The following ARAP2 variants were observed in gnomAD, a reference collection of about 807,000 sequenced individuals.
ARAP2 encodes arf-GAP with Rho-GAP domain, ANK repeat and PH domain-containing protein 2.
ARAP2 carries 148 observed loss-of-function variants against 194.5 expected under a neutral mutation model. The ratio of observed to expected loss-of-function variants is 0.76; its 90% CI spans 0.67 to 0.87. The LOEUF (loss-of-function observed/expected upper bound fraction) is 0.87, where lower values mean the gene tolerates loss of function less well. Among genes scored for constraint, ARAP2 ranks in the 40% least tolerant of loss-of-function variants. The pLI, the probability that ARAP2 is intolerant of heterozygous loss-of-function variation, is 0.00. For missense variants in ARAP2, 2,128 were observed against 1,989.7 expected (o/e 1.07, Z -1.32); for synonymous variants, 695 against 683.5 (o/e 1.02, Z -0.26).
At chr4:36,144,957 G>A (rs957593723) in intron 19 of ARAP2, among the ~76,000 whole-genome samples, 1 of 151,768 alleles carries the variant, frequency 6.6e-6, no homozygotes, top group Non-Finnish European at 1.5e-5. Context: ...GATTTTAATA[G>A]CATTTTCTTT....
rs1733132901 is a variant in ARAP2, at chr4:36,158,585, C to T, written c.2752+145G>A. ...TGCAGTACATGAAATAATATTTGCA[C>T]CTAGAAGCATTTATAAATCCTCAAA... is the stretch of plus-strand genomic sequence containing the variant. On this transcript the variant is annotated intron_variant, in intron 15 of 32. Transcript: ENST00000303965. 2.2e-5 allele frequency: 15 copies of T among 696,998 alleles called. No individual in the cohort carries two copies. In the South Asian group the frequency reaches 3.1e-4, roughly 15 times the overall value. 43.2% of individuals were successfully genotyped at this position (696,998 alleles called of 1,614,324 possible).
intron 5 of ARAP2, among the ~76,000 whole-genome samples, chr4:36,028,502 T>A (rs983311553): frequency 1.3e-5 from 2 of 152,012 alleles, no homozygotes; most frequent in Admixed American, 1.3e-4. Flanking sequence ...TAACCTTTCT[T>A]GATTTTTCTA....
intron 2 of ARAP2, among the ~76,000 whole-genome samples, chr4:36,219,234 G>A (rs765563068): frequency 2.0e-5 from 3 of 152,122 alleles, no homozygotes; most frequent in South Asian, 2.1e-4. Flanking sequence ...TGTACTCAAC[G>A]GCCATGCATA....
At position 36,214,017 on chromosome 4, in the gene ARAP2, G is replaced by T. The variant is rs186499196; in HGVS notation, c.964+405C>A. ...TATAATCAGAATTTTCAAAATGAAAGAAAAGCCTCTGTCACTGTTCAATTT... is the reference window on the plus strand; with the variant it reads ...TATAATCAGAATTTTCAAAATGAAATAAAAGCCTCTGTCACTGTTCAATTT... On this transcript the variant is annotated intron_variant, in intron 3 of 32. Coordinates refer to ENST00000303965, the MANE Select transcript of ARAP2 (RefSeq NM_015230.4). Among the ~76,000 whole-genome samples the T allele has an allele frequency of 3.0e-4, 46 of 152,202 alleles. No homozygotes were observed. The East Asian group carries it at 8.1e-3, about 27-fold the overall frequency.
intron 6 of ARAP2, among the ~76,000 whole-genome samples, chr4:36,209,801 C>T (rs577676306): frequency 6.6e-6 from 1 of 152,230 alleles, no homozygotes; most frequent in Non-Finnish European, 1.5e-5. Flanking sequence ...TTTCTCAGTA[C>T]TGTAAAATGC....
intron 6 of ARAP2, among the ~76,000 whole-genome samples, chr4:36,200,970 G>A (rs76473782): frequency 0.013 from 2,034 of 152,216 alleles, 44 homozygotes; most frequent in African/African-American, 0.046. Context: ...CCTATGTTCC[G>A]GCTACCATAC....
At chr4:36,240,506 T>C (rs895916438) in intron 1 of ARAP2, among the ~76,000 whole-genome samples, 1 of 152,224 alleles carries the variant, frequency 6.6e-6, no homozygotes, top group African/African-American at 2.4e-5. Context: ...AGCTCTGCCA[T>C]GTGCTACCTG....
rs536990611 is a variant in ARAP2, at chr4:36,142,467, G to A, written c.3263+4829C>T. On this transcript the variant is annotated intron_variant, in intron 19 of 32. Transcript: ENST00000303965. ...CTTTGACAAAGTGACCTCACTAGCTGTCTTGGTTTACTCAATTTCCATTCT... is the reference window on the plus strand; with the variant it reads ...CTTTGACAAAGTGACCTCACTAGCTATCTTGGTTTACTCAATTTCCATTCT... Among the ~76,000 whole-genome samples the A allele has an allele frequency of 2.0e-5, 3 of 151,372 alleles. No individual in the cohort carries two copies. In the Admixed American group the frequency reaches 2.0e-4, roughly 10 times the overall value.
At chr4:36,106,757 A>G (rs1718518178) in intron 27 of ARAP2, among the ~76,000 whole-genome samples, 1 of 151,878 alleles carries the variant, frequency 6.6e-6, no homozygotes, top group Non-Finnish European at 1.5e-5. Flanking sequence ...AAGGTAATAT[A>G]ACTTACAAGG....
intron 27 of ARAP2, among the ~76,000 whole-genome samples, chr4:36,102,484 C>A (rs559847730): frequency 1.3e-5 from 2 of 152,014 alleles, no homozygotes; most frequent in African/African-American, 4.8e-5. Flanking sequence ...AAAGTTTATT[C>A]AATATGTACT....
chr4:36,212,222 C>T (rs1746913194), intron 5 of ARAP2, among the ~76,000 whole-genome samples, 174 bp downstream of exon 5: 1 of 151,878 alleles, frequency 6.6e-6, no homozygotes, highest in African/African-American at 2.4e-5. Flanking sequence ...ATCTACAGAG[C>T]ATAATTCAAT....
chr4:36,069,538 C>T (rs912363048), intron 32 of ARAP2, among the ~76,000 whole-genome samples: 4 of 151,678 alleles, frequency 2.6e-5, no homozygotes, highest in African/African-American at 9.7e-5. Flanking sequence ...TATAAACAAA[C>T]TTTAATCTTG....
chr4:36,221,774 A>G (rs1335727034), intron 2 of ARAP2, among the ~76,000 whole-genome samples: 1 of 152,158 alleles, frequency 6.6e-6, no homozygotes, highest in African/African-American at 2.4e-5. Flanking sequence ...AGCAACTTAC[A>G]TTTTCATTTA....
intron 2 of ARAP2, among the ~76,000 whole-genome samples, chr4:36,055,497 A>T (rs1382791402): frequency 6.6e-6 from 1 of 152,212 alleles, no homozygotes; most frequent in Middle Eastern, 3.2e-3. Context: ...TCAACTCAGC[A>T]GTCTCATAGT....
Position 36,209,653 on chromosome 4 carries a change from C to T in ARAP2, c.1487+737G>A, listed in dbSNP as rs184702211. On this transcript the variant is annotated intron_variant, in intron 6 of 32. Coordinates refer to ENST00000303965, the MANE Select transcript of ARAP2 (RefSeq NM_015230.4). ...ACACTGTAGGGACTCACCACATTAG[C>T]TACTGATACATGAAAGCTTTAATCT... Among the ~76,000 whole-genome samples the T allele has an allele frequency of 5.1e-4, 78 of 152,156 alleles. No homozygotes were observed. The East Asian group carries it at 8.1e-3, about 16-fold the overall frequency.
chr4:36,158,440 G>T (rs561650614), intron 15 of ARAP2, among the ~76,000 whole-genome samples: 8 of 152,018 alleles, frequency 5.3e-5, no homozygotes, highest in Non-Finnish European at 8.8e-5. Flanking sequence ...CTAAGGAAAG[G>T]GGCTGAGTTA....
At chr4:36,235,458 T>C (rs577467981) in intron 1 of ARAP2, among the ~76,000 whole-genome samples, 5 of 152,346 alleles carry the variant, frequency 3.3e-5, no homozygotes, top group African/African-American at 1.2e-4. Flanking sequence ...CACTTTGGTA[T>C]GTCTCTGCTC....
chr4:36,037,492 T>C (rs889976073), intron 5 of ARAP2, among the ~76,000 whole-genome samples: 8 of 152,138 alleles, frequency 5.3e-5, no homozygotes, highest in African/African-American at 1.9e-4. Context: ...TAAAATTGAT[T>C]GGTAAGCATA....
At chr4:36,099,751 C>A (rs1716344662) in intron 27 of ARAP2, among the ~76,000 whole-genome samples, 1 of 152,110 alleles carries the variant, frequency 6.6e-6, no homozygotes, top group African/African-American at 2.4e-5. Context: ...AGATCGCAGA[C>A]AGTAATCTCT....
Sources: gnomAD v4.1 joint callset for allele counts (sites outside exome capture counted in the v4.1 genomes callset) on GRCh38, gnomAD v4.1.1 for gene constraint, MANE v1.5 for transcripts, NCBI Gene and HGNC (gene_info 2026-07-23, HGNC 2026-07-21) for gene names.